ACOT12: variants seen among roughly 807,000 people sequenced by gnomAD.
ACOT12 encodes the protein acetyl-coenzyme A thioesterase.
A neutral mutation model predicts 67.7 loss-of-function variants in ACOT12; 51 were observed. The ratio of observed to expected loss-of-function variants is 0.75; its 90% confidence interval spans 0.60 to 0.95. ACOT12 has a LOEUF of 0.95. ACOT12 is among the 40% of genes least tolerant of loss of function. ACOT12 has a pLI of 0.00. For missense variants in ACOT12, 734 were observed against 708.1 expected, an observed-to-expected ratio of 1.04 and a Z score of -0.41; for synonymous variants, 251 against 244.6, an observed-to-expected ratio of 1.03 and a Z score of -0.24.
chr5:81,351,308 AT>A (rs1759546441), intron 5 of ACOT12, among the ~76,000 whole-genome samples: 1 of 152,202 alleles, frequency 6.6e-6, no homozygotes, highest in South Asian at 2.1e-4. Context: ...CAAATGGCAC[AT>A]TTTTTGTTTA....
rs543963375 is a variant in ACOT12 at position 81,363,413 on chromosome 5, T to C, written c.360+375A>G. Among the ~76,000 whole-genome samples, 40 of 152,326 alleles carry C rather than the reference T, an allele frequency of 2.6e-4. No individual in the cohort carries two copies. The South Asian group carries it at 8.3e-3, about 32-fold the overall frequency. On this transcript the variant is annotated intron_variant, in intron 4 of 14. Coordinates refer to ENST00000307624, the MANE Select transcript of ACOT12 (RefSeq NM_130767.3). ...ATGCAACTGCTTGCTAAATTGCTCTTGCTTTTTTAAAAAAAGATTTTATTT... is the reference window on the plus strand; with the variant it reads ...ATGCAACTGCTTGCTAAATTGCTCTCGCTTTTTTAAAAAAAGATTTTATTT...
chr5:81,369,340 G>A (rs1301469545), intron 3 of ACOT12, among the ~76,000 whole-genome samples: 3 of 152,322 alleles, frequency 2.0e-5, no homozygotes, highest in African/African-American at 7.2e-5. Context: ...TTTGGATTCA[G>A]GGAGAAGTCA....
intron 2 of ACOT12, among the ~76,000 whole-genome samples, chr5:81,380,416 T>C (rs1004132649): frequency 5.3e-5 from 8 of 151,824 alleles, no homozygotes; most frequent in Non-Finnish European, 1.5e-5. Flanking sequence ...ATTCAAAAAT[T>C]AGCTGTGTGT....
intron 9 of ACOT12, 29 bp downstream of exon 9, chr5:81,344,131 A>T (rs1398412091): frequency 6.2e-7 from 1 of 1,608,368 alleles, no homozygotes; most frequent in Non-Finnish European, 8.5e-7. Flanking sequence ...CGAAGACTCC[A>T]TAAAATCATT....
intron 1 of ACOT12, among the ~76,000 whole-genome samples, chr5:81,387,719 A>AT (rs1345162357): frequency 4.6e-5 from 7 of 151,938 alleles, no homozygotes; most frequent in Admixed American, 4.6e-4. Context: ...TGTTTAAAAT[A>AT]TTTTTTGTGG....
At chr5:81,349,008 G>A (rs1026487996) in intron 5 of ACOT12, among the ~76,000 whole-genome samples, 4 of 152,240 alleles carry the variant, frequency 2.6e-5, no homozygotes, top group Non-Finnish European at 5.9e-5. Context: ...CCACCGGCTA[G>A]GTTTCCATCT....
At chr5:81,376,079 A>G (rs1282777973) in intron 2 of ACOT12, among the ~76,000 whole-genome samples, 2 of 152,202 alleles carry the variant, frequency 1.3e-5, no homozygotes, top group Admixed American at 1.3e-4. Context: ...AATCGACCAC[A>G]TAATTGGAGG....
chr5:81,371,990 G>A (rs772797138), intron 2 of ACOT12, among the ~76,000 whole-genome samples, 180 bp from the exon 3 acceptor site: 10 of 152,110 alleles, frequency 6.6e-5, no homozygotes, highest in African/African-American at 2.4e-4. Context: ...AACAAAGGCC[G>A]ATAACTGTAA....
intron 2 of ACOT12, among the ~76,000 whole-genome samples, chr5:81,385,095 A>G (rs1760692161): frequency 6.6e-6 from 1 of 152,164 alleles, no homozygotes. Context: ...GAAATTCACC[A>G]TTATAAAGAT....
intron 5 of ACOT12, among the ~76,000 whole-genome samples, chr5:81,348,722 G>A (rs980291401): frequency 6.6e-6 from 1 of 152,224 alleles, no homozygotes. Flanking sequence ...GTGCCACCAC[G>A]CCTGGCTAAT....
At chr5:81,378,784 T>G (rs1486985525) in intron 2 of ACOT12, among the ~76,000 whole-genome samples, 1 of 152,178 alleles carries the variant, frequency 6.6e-6, no homozygotes, top group Non-Finnish European at 1.5e-5. Flanking sequence ...CACAATGAGA[T>G]TCCATCTCAC....
intron 6 of ACOT12, among the ~76,000 whole-genome samples, chr5:81,346,796 A>G (rs1380026628): frequency 6.6e-6 from 1 of 152,170 alleles, no homozygotes. Context: ...TATAGTCATA[A>G]CTATAGACAT....
At chr5:81,332,244 G>A (rs1340259105) in intron 13 of ACOT12, among the ~76,000 whole-genome samples, 4 of 152,146 alleles carry the variant, frequency 2.6e-5, no homozygotes, top group African/African-American at 7.2e-5. Flanking sequence ...TTACATTTAC[G>A]TAGGAAAAGG....
At chr5:81,310,877 G>A in the ACOT12 span, among the ~76,000 whole-genome samples, 1 of 152,138 alleles carries the variant, frequency 6.6e-6, no homozygotes, top group Non-Finnish European at 1.5e-5. Flanking sequence ...CAGGTCCAAG[G>A]GTTCACAGAC....
the ACOT12 span, among the ~76,000 whole-genome samples, chr5:81,309,863 G>A: frequency 6.6e-6 from 1 of 152,114 alleles, no homozygotes; most frequent in African/African-American, 2.4e-5. Flanking sequence ...GTATCTTACC[G>A]TTGGTGGGTC....
the ACOT12 span, among the ~76,000 whole-genome samples, chr5:81,309,513 C>T: frequency 1.3e-5 from 2 of 152,092 alleles, no homozygotes; most frequent in African/African-American, 2.4e-5. Context: ...CTCTTTAACT[C>T]GGGTAATTAA....
intron 3 of ACOT12, among the ~76,000 whole-genome samples, chr5:81,370,041 G>A (rs1023467331): frequency 3.9e-5 from 6 of 152,204 alleles, no homozygotes; most frequent in Admixed American, 3.9e-4. Context: ...CTAGCACTTT[G>A]GGAGGCCAAG....
chr5:81,331,884 T>C (rs769793094), intron 13 of ACOT12, among the ~76,000 whole-genome samples: 2 of 152,242 alleles, frequency 1.3e-5, no homozygotes, highest in Non-Finnish European at 2.9e-5. Context: ...GTACAATACT[T>C]TGTAGTATGG....
chr5:81,380,871 G>A (rs2153858472), intron 2 of ACOT12, among the ~76,000 whole-genome samples: 1 of 152,142 alleles, frequency 6.6e-6, no homozygotes, highest in Non-Finnish European at 1.5e-5. Context: ...ATCATAGAGT[G>A]TACCCACACT....
Sources: allele counts gnomAD v4.1 joint callset (sites outside exome capture counted in the v4.1 genomes callset), GRCh38; gene constraint gnomAD v4.1.1; transcripts MANE v1.5; gene names NCBI Gene and HGNC (gene_info 2026-07-23, HGNC 2026-07-21).